The following CREB5 variants were observed in gnomAD, a reference collection of about 807,000 sequenced individuals.
CREB5 encodes the protein cyclic AMP-responsive element-binding protein 5.
Under a neutral mutation model 57.1 loss-of-function variants are expected in CREB5, and 19 were observed. That is an observed-to-expected ratio of 0.33 (90% CI 0.23 to 0.49). CREB5 has a LOEUF of 0.49. Among genes scored for constraint, CREB5 ranks in the 20% least tolerant of loss-of-function variants. The pLI is 0.99. For missense variants in CREB5, 579 were observed against 671.6 expected (o/e 0.86, Z 1.52); for synonymous variants, 238 against 238.3 (o/e 1.00, Z 0.01).
intron 1 of CREB5, among the ~76,000 whole-genome samples, chr7:28,363,066 A>T (rs939675410): frequency 6.6e-6 from 1 of 152,230 alleles, no homozygotes; most frequent in Admixed American, 6.5e-5. Flanking sequence ...CACTAGAAGC[A>T]GCCATTGTGT....
intron 5 of CREB5, among the ~76,000 whole-genome samples, chr7:28,645,844 G>A (rs575536720): frequency 2.9e-4 from 44 of 152,314 alleles, no homozygotes; most frequent in African/African-American, 9.4e-4. Context: ...ATTTGGATCA[G>A]TAGACTGACT....
At chr7:28,472,934 G>A (rs1277671203) in intron 1 of CREB5, among the ~76,000 whole-genome samples, 4 of 152,134 alleles carry the variant, frequency 2.6e-5, no homozygotes, top group Non-Finnish European at 5.9e-5. Context: ...CCTCAGACAT[G>A]CCAAGCTCTT....
chr7:28,553,417 T>C (rs1387842523), intron 4 of CREB5, among the ~76,000 whole-genome samples: 1 of 152,218 alleles, frequency 6.6e-6, no homozygotes, highest in Non-Finnish European at 1.5e-5. Flanking sequence ...CCTTGTTTAT[T>C]TGCTTTTTAA....
In CREB5 at chr7:28,504,702, A is replaced by G. The variant is rs142439374; in HGVS notation, c.170-2914A>G. 7.1e-3 allele frequency among the ~76,000 whole-genome samples: 1,084 copies of G among 152,272 alleles called. 16 individuals carry two copies. Among genetic ancestry groups the G allele is most frequent in the African/African-American group, 0.024 (1,003 of 41,556 alleles). On this transcript the variant is annotated intron_variant, in intron 3 of 10. Coordinates refer to ENST00000357727, the MANE Select transcript of CREB5 (RefSeq NM_182898.4). ...TAAACACCCGTGTGTTACCCTCTCC[A>G]GAGAGTTTGCAAATAGCACACCAGG...
chr7:28,700,649 G>C (rs1252576905), intron 5 of CREB5, among the ~76,000 whole-genome samples: 1 of 152,190 alleles, frequency 6.6e-6, no homozygotes, highest in Non-Finnish European at 1.5e-5. Context: ...CCTAGGAAAA[G>C]TGAGGAGTAA....
intron 7 of CREB5, among the ~76,000 whole-genome samples, chr7:28,761,823 T>C (rs1805678273): frequency 2.0e-5 from 3 of 152,132 alleles, no homozygotes; most frequent in Admixed American, 2.0e-4. Context: ...AAGCCAATTA[T>C]ATATGCCAAG....
chr7:28,661,083 G>T (rs181205207), intron 5 of CREB5, among the ~76,000 whole-genome samples: 1 of 152,212 alleles, frequency 6.6e-6, no homozygotes, highest in East Asian at 1.9e-4. Context: ...TGGTGGGAAT[G>T]GGGGTGAGGG....
chr7:28,542,309 G>A (rs1264623927), intron 4 of CREB5, among the ~76,000 whole-genome samples: 3 of 152,206 alleles, frequency 2.0e-5, no homozygotes, highest in African/African-American at 7.2e-5. Context: ...CATAACCACT[G>A]TGCTATTTAT....
chr7:28,694,170 G>A (rs1052352793), intron 5 of CREB5, among the ~76,000 whole-genome samples: 10 of 151,974 alleles, frequency 6.6e-5, no homozygotes, highest in South Asian at 2.1e-4. Flanking sequence ...TAACACTTCC[G>A]TCAGCTCAGC....
intron 7 of CREB5, among the ~76,000 whole-genome samples, chr7:28,772,736 A>G (rs559661724): frequency 1.4e-4 from 21 of 152,220 alleles, no homozygotes; most frequent in African/African-American, 4.6e-4. Flanking sequence ...ACTAACTGCT[A>G]TCTGGAGAGA....
intron 7 of CREB5, among the ~76,000 whole-genome samples, chr7:28,754,248 G>A (rs190903668): frequency 3.9e-5 from 6 of 152,254 alleles, no homozygotes; most frequent in African/African-American, 1.4e-4. Flanking sequence ...CCACAGAACT[G>A]CCATTCTCAC....
At chr7:28,765,812 T>G (rs1197067063) in intron 7 of CREB5, among the ~76,000 whole-genome samples, 1 of 152,204 alleles carries the variant, frequency 6.6e-6, no homozygotes, top group African/African-American at 2.4e-5. Context: ...AGATAAAGTA[T>G]GTTTCCAAAT....
chr7:28,337,522 CT>C (rs34164645), intron 1 of CREB5, among the ~76,000 whole-genome samples: 29,033 of 151,070 alleles, frequency 0.19, 3,117 homozygotes, highest in East Asian at 0.44. Context: ...TTATCCTGCT[CT>C]TTTTTTTTGT....
rs146134329 is a variant in CREB5, at chr7:28,525,143, C to T, written c.291+17406C>T. ...ACGACCTTCAGTTCCATCCATGTTG[C>T]TGTAAATGACAGGATTTCTTTTTTA... On this transcript the variant is annotated intron_variant, in intron 4 of 10. Transcript: ENST00000357727. Among the ~76,000 whole-genome samples, 6 of 152,266 alleles carry T rather than the reference C, an allele frequency of 3.9e-5. No individual in the cohort carries two copies. In the East Asian group the frequency reaches 1.2e-3, roughly 29 times the overall value.
At chr7:28,432,348 C>T (rs1437841961) in intron 1 of CREB5, among the ~76,000 whole-genome samples, 1 of 152,150 alleles carries the variant, frequency 6.6e-6, no homozygotes, top group Non-Finnish European at 1.5e-5. Flanking sequence ...CATATTTTCT[C>T]AAACAAGCAG....
chr7:28,758,140 C>CTGG (rs1485810235), intron 7 of CREB5, among the ~76,000 whole-genome samples: 4 of 152,136 alleles, frequency 2.6e-5, no homozygotes, highest in Admixed American at 2.0e-4. Context: ...CTCTGTTGGC[C>CTGG]TGGTTGTTGT....
At chr7:28,566,453 C>T (rs1795482502) in intron 4 of CREB5, among the ~76,000 whole-genome samples, 1 of 152,210 alleles carries the variant, frequency 6.6e-6, no homozygotes, top group African/African-American at 2.4e-5. Flanking sequence ...AGTTTGGTGA[C>T]ATTGTTTCAC....
chr7:28,697,139 G>A (rs773965047), intron 5 of CREB5, among the ~76,000 whole-genome samples: 1 of 151,824 alleles, frequency 6.6e-6, no homozygotes, highest in African/African-American at 2.4e-5. Flanking sequence ...AACATTATTT[G>A]GATATCTGAT....
At chr7:28,339,224 G>A (rs1785885589) in intron 1 of CREB5, among the ~76,000 whole-genome samples, 1 of 152,094 alleles carries the variant, frequency 6.6e-6, no homozygotes, top group Non-Finnish European at 1.5e-5. Flanking sequence ...GCTATTTGTT[G>A]AAGTCTCACA....
Sources: allele counts gnomAD v4.1 joint callset (sites outside exome capture counted in the v4.1 genomes callset), GRCh38; gene constraint gnomAD v4.1.1; transcripts MANE v1.5; gene names NCBI Gene and HGNC (gene_info 2026-07-23, HGNC 2026-07-21).